MAST4: variants seen among roughly 807,000 people sequenced by gnomAD.
The protein encoded by MAST4 is microtubule associated serine/threonine kinase family member 4, also known as microtubule-associated serine/threonine-protein kinase 4.
In MAST4, 89 loss-of-function variants were observed where a neutral mutation model predicts 162.7. That is an observed-to-expected ratio of 0.55 (90% CI 0.46 to 0.65). MAST4 has a LOEUF of 0.65. MAST4 is among the 30% of genes least tolerant of loss of function. MAST4 has a pLI of 0.00. For missense variants in MAST4, 3,153 were observed against 3,374.0 expected, an observed-to-expected ratio of 0.93 and a Z score of 1.62; for synonymous variants, 1,479 against 1,361.1, an observed-to-expected ratio of 1.09 and a Z score of -1.91.
chr5:66,980,320 T>C (rs1748635626), intron 4 of MAST4, among the ~76,000 whole-genome samples: 1 of 152,180 alleles, frequency 6.6e-6, no homozygotes, highest in Non-Finnish European at 1.5e-5. Flanking sequence ...GAAAAGGATT[T>C]AAGGTAGTTT....
At chr5:66,911,403 C>T (rs13174683) in intron 4 of MAST4, among the ~76,000 whole-genome samples, 4,994 of 152,124 alleles carry the variant, frequency 0.033, 152 homozygotes, top group African/African-American at 0.076. Context: ...AGATTGCAAA[C>T]TCTAATAATA....
At chr5:66,863,140 C>T (rs1760236003) in intron 3 of MAST4, among the ~76,000 whole-genome samples, 1 of 152,082 alleles carries the variant, frequency 6.6e-6, no homozygotes, top group South Asian at 2.1e-4. Flanking sequence ...TAATGTGAAA[C>T]CTTGACAAAA....
At chr5:66,867,614 C>G (rs1760625042) in intron 3 of MAST4, among the ~76,000 whole-genome samples, 1 of 152,214 alleles carries the variant, frequency 6.6e-6, no homozygotes, top group Non-Finnish European at 1.5e-5. Flanking sequence ...AGTTTATTTA[C>G]ATAACTGAGA....
intron 4 of MAST4, among the ~76,000 whole-genome samples, chr5:66,985,075 G>C (rs62372476): frequency 0.49 from 73,888 of 151,892 alleles, 19,490 homozygotes; most frequent in East Asian, 0.65. Context: ...AGTAGCTTCA[G>C]GACAGATTCC....
intron 3 of MAST4, among the ~76,000 whole-genome samples, chr5:66,864,172 AT>A (rs1760320054): frequency 6.6e-6 from 1 of 151,204 alleles, no homozygotes. Context: ...CATATACAGT[AT>A]TATGTCCAGT....
At chr5:66,691,369 G>T (rs946005328) in intron 1 of MAST4, among the ~76,000 whole-genome samples, 1 of 152,060 alleles carries the variant, frequency 6.6e-6, no homozygotes, top group African/African-American at 2.4e-5. Context: ...CAACGCCAAA[G>T]AAATATCTCA....
intron 1 of MAST4, among the ~76,000 whole-genome samples, chr5:66,718,279 A>G (rs189040271): frequency 2.7e-5 from 4 of 148,740 alleles, no homozygotes; most frequent in Admixed American, 6.8e-5. Context: ...TTTTGTTTTC[A>G]AAGCACCTTT....
At chr5:66,842,451 C>A (rs148176611) in intron 3 of MAST4, among the ~76,000 whole-genome samples, 40 of 152,210 alleles carry the variant, frequency 2.6e-4, no homozygotes, top group African/African-American at 9.1e-4. Flanking sequence ...TCCCCTACCC[C>A]CTCCCGCCCC....
At chr5:66,602,308 C>G (rs542611628) in intron 1 of MAST4, among the ~76,000 whole-genome samples, 2 of 152,104 alleles carry the variant, frequency 1.3e-5, no homozygotes, top group Non-Finnish European at 1.5e-5. Context: ...TGTTTGGGTA[C>G]TAACACGCAT....
intron 3 of MAST4, among the ~76,000 whole-genome samples, chr5:66,844,186 TG>T: frequency 7.1e-6 from 1 of 140,122 alleles, no homozygotes; most frequent in Admixed American, 7.5e-5. Flanking sequence ...TGTGTGTGTG[TG>T]TGTGTGTGTG....
intron 1 of MAST4, among the ~76,000 whole-genome samples, chr5:66,721,713 C>T (rs1198791642): frequency 6.6e-6 from 1 of 150,738 alleles, no homozygotes; most frequent in African/African-American, 2.4e-5. Flanking sequence ...CATCTGACTG[C>T]TTACTCAACA....
chr5:66,759,647 G>T, intron 1 of MAST4, 62 bp from the exon 2 acceptor site: 14 of 1,550,962 alleles, frequency 9.0e-6, no homozygotes, highest in Non-Finnish European at 1.2e-5. Flanking sequence ...TGAATGATTG[G>T]TCTTTCATTC....
At chr5:66,873,229 C>G (rs1761067356) in intron 3 of MAST4, among the ~76,000 whole-genome samples, 1 of 152,112 alleles carries the variant, frequency 6.6e-6, no homozygotes, top group African/African-American at 2.4e-5. Context: ...TTGAGGAGGG[C>G]CTAAAAATGT....
At chr5:66,946,228 A>G (rs1160271437) in intron 4 of MAST4, among the ~76,000 whole-genome samples, 1 of 152,142 alleles carries the variant, frequency 6.6e-6, no homozygotes, top group Non-Finnish European at 1.5e-5. Flanking sequence ...CTGAGAAGGA[A>G]ATAAGTCAGA....
intron 4 of MAST4, among the ~76,000 whole-genome samples, chr5:67,000,054 T>A (rs1380351855): frequency 6.6e-6 from 1 of 152,224 alleles, no homozygotes; most frequent in Non-Finnish European, 1.5e-5. Flanking sequence ...TTACAAGGAT[T>A]GCTCATTCAG....
At chr5:66,979,317 G>A (rs1233617151) in intron 4 of MAST4, among the ~76,000 whole-genome samples, 10 of 152,074 alleles carry the variant, frequency 6.6e-5, no homozygotes, top group Admixed American at 4.6e-4. Flanking sequence ...TGTGAGTAGC[G>A]GGGGCAGATG....
At chr5:66,963,287 AT>A (rs1746248827) in intron 4 of MAST4, among the ~76,000 whole-genome samples, 1 of 152,216 alleles carries the variant, frequency 6.6e-6, no homozygotes, top group African/African-American at 2.4e-5. Context: ...TTAAAAACGC[AT>A]CTTCCTATGG....
At chr5:66,672,890 CA>C (rs1342547327) in intron 1 of MAST4, among the ~76,000 whole-genome samples, 1 of 152,192 alleles carries the variant, frequency 6.6e-6, no homozygotes, top group Non-Finnish European at 1.5e-5. Context: ...AGTGGCCTAT[CA>C]GGTACATATC....
chr5:66,792,459 C>G (rs1755458261), intron 3 of MAST4: 1 of 164,138 alleles, frequency 6.1e-6, no homozygotes, highest in Non-Finnish European at 1.5e-5. Flanking sequence ...TTCTACTTTT[C>G]ACTGCTCTCA....
Sources: gnomAD v4.1 joint callset for allele counts (sites outside exome capture counted in the v4.1 genomes callset) on GRCh38, gnomAD v4.1.1 for gene constraint, MANE v1.5 for transcripts, NCBI Gene and HGNC (gene_info 2026-07-23, HGNC 2026-07-21) for gene names.